The following CNTNAP4 variants were observed in gnomAD, a reference collection of about 807,000 sequenced individuals.
CNTNAP4 encodes the protein contactin associated protein family member 4.
A neutral mutation model predicts 148.4 loss-of-function variants in CNTNAP4; 98 were observed. The ratio of observed to expected loss-of-function variants is 0.66; its 90% CI spans 0.56 to 0.78. CNTNAP4 has a LOEUF of 0.78. Among genes scored for constraint, CNTNAP4 ranks in the 30% least tolerant of loss-of-function variants. The pLI is 0.00. For missense variants in CNTNAP4, 1,935 were observed against 1,565.6 expected (o/e 1.24, Z -3.98); for synonymous variants, 730 against 565.1 (o/e 1.29, Z -4.14).
chr16:76,487,820 G>C (rs912560372), intron 12 of CNTNAP4, among the ~76,000 whole-genome samples: 1 of 152,142 alleles, frequency 6.6e-6, no homozygotes, highest in Admixed American at 6.5e-5. Flanking sequence ...TTTAATGGTT[G>C]CCATGCACTA....
In CNTNAP4 at chr16:76,470,482, A is replaced by ATATATATATATATATATATATATAT. The variant is rs146482811; in HGVS notation, c.1655+2959_1655+2960insTATATATATATATATATATATATAT. On this transcript the variant is annotated intron_variant, in intron 10 of 23. Coordinates refer to ENST00000611870, the MANE Select transcript of CNTNAP4 (RefSeq NM_033401.5). ...ATAGCAAAACCACGTCTCTACTAAT[A>ATATATATATATATATATATATATAT]ATATATATATATATAAAATTAGTCG... Among the ~76,000 whole-genome samples the ATATATATATATATATATATATATAT allele has an allele frequency of 1.4e-3, 138 of 96,976 alleles. 4 individuals are homozygous for ATATATATATATATATATATATATAT. The highest frequency in any genetic ancestry group is 8.9e-3 in the South Asian group (21 of 2,352). 63.6% of individuals were successfully genotyped at this position (96,976 alleles called of 152,430 possible).
chr16:76,341,203 A>G (rs1240256963), intron 2 of CNTNAP4, among the ~76,000 whole-genome samples: 1 of 152,118 alleles, frequency 6.6e-6, no homozygotes, highest in Non-Finnish European at 1.5e-5. Flanking sequence ...TTTCATTGAG[A>G]GTCTTTACCT....
In CNTNAP4 at chr16:76,347,445, T is replaced by C. The variant is rs1451705236; in HGVS notation, c.197-7873T>C. On this transcript the variant is annotated intron_variant, in intron 2 of 23. Coordinates refer to ENST00000611870, the MANE Select transcript of CNTNAP4 (RefSeq NM_033401.5). ...AAGACCCCTGGTCTCATAGAGCTTGTATTCTAATAAATATAATACATAAAC... is the reference window on the plus strand; with the variant it reads ...AAGACCCCTGGTCTCATAGAGCTTGCATTCTAATAAATATAATACATAAAC... Among the ~76,000 whole-genome samples, 3 of 152,304 alleles carry C rather than the reference T, an allele frequency of 2.0e-5. No homozygotes were observed. The East Asian group carries it at 5.8e-4, about 29-fold the overall frequency.
chr16:76,342,496 G>A (rs139115384), intron 2 of CNTNAP4, among the ~76,000 whole-genome samples: 18,439 of 111,186 alleles, frequency 0.17, 2,077 homozygotes, highest in East Asian at 0.56. Context: ...TTTTTGAGAT[G>A]GAGTCTTGCT....
At chr16:76,499,122 C>T in intron 15 of CNTNAP4, among the ~76,000 whole-genome samples, 1 of 145,138 alleles carries the variant, frequency 6.9e-6, no homozygotes. Flanking sequence ...GGCTGGAGTG[C>T]AGTGGCGCGA....
At chr16:76,316,856 C>T (rs1476627028) in intron 2 of CNTNAP4, among the ~76,000 whole-genome samples, 5 of 152,116 alleles carry the variant, frequency 3.3e-5, no homozygotes, top group Admixed American at 1.3e-4. Context: ...AAGTAATTTT[C>T]AAAAACGCTA....
intron 3 of CNTNAP4, among the ~76,000 whole-genome samples, chr16:76,420,279 A>ATATTAGAATAAAGTATATTCTGTAG (rs1324649016): frequency 6.7e-6 from 1 of 150,214 alleles, no homozygotes; most frequent in Non-Finnish European, 1.5e-5. Context: ...TATAGGAGAT[A>ATATTAGAATAAAGTATATTCTGTAG]AATATTAATT....
At chr16:76,298,374 G>A (rs1226649684) in intron 1 of CNTNAP4, among the ~76,000 whole-genome samples, 2 of 152,150 alleles carry the variant, frequency 1.3e-5, no homozygotes, top group African/African-American at 4.8e-5. Flanking sequence ...TTGATTGGGT[G>A]GGAGAAAGTA....
At chr16:76,555,453 A>C (rs2085156471) in intron 23 of CNTNAP4, among the ~76,000 whole-genome samples, 1 of 152,264 alleles carries the variant, frequency 6.6e-6, no homozygotes, top group Non-Finnish European at 1.5e-5. Flanking sequence ...TTAAAGCTAT[A>C]GTATTTACAA....
At chr16:76,384,293 C>T (rs536437320) in intron 3 of CNTNAP4, among the ~76,000 whole-genome samples, 27 of 152,164 alleles carry the variant, frequency 1.8e-4, no homozygotes, top group East Asian at 5.8e-4. Context: ...CCACCCACCT[C>T]GGCCTCCCAA....
chr16:76,370,573 C>A lies in CNTNAP4; in HGVS notation c.390+15062C>A, dbSNP rs34952721. Among the ~76,000 whole-genome samples the A allele has an allele frequency of 1.5e-3, 223 of 152,072 alleles. 1 individual carries two copies. The highest frequency in any genetic ancestry group is 2.3e-3 in the Non-Finnish European group (158 of 67,978). On this transcript the variant is annotated intron_variant, in intron 3 of 23. Transcript: ENST00000611870. ...GCTGGAAGCTCCTTAATACAGGAGCCTGGGACACAGTCCACGTCACTCAGC... is the reference window on the plus strand; with the variant it reads ...GCTGGAAGCTCCTTAATACAGGAGCATGGGACACAGTCCACGTCACTCAGC...
At chr16:76,364,922 T>A (rs1031633369) in intron 3 of CNTNAP4, among the ~76,000 whole-genome samples, 1 of 152,216 alleles carries the variant, frequency 6.6e-6, no homozygotes, top group Non-Finnish European at 1.5e-5. Context: ...TCATTGCTTT[T>A]GGTGTTTTAG....
chr16:76,394,604 T>G (rs1002020882), intron 3 of CNTNAP4, among the ~76,000 whole-genome samples: 1 of 152,230 alleles, frequency 6.6e-6, no homozygotes, highest in African/African-American at 2.4e-5. Context: ...ATAACGTATT[T>G]AAGTGAGGTT....
intron 4 of CNTNAP4, among the ~76,000 whole-genome samples, chr16:76,434,677 A>G (rs932973041): frequency 6.6e-5 from 10 of 151,886 alleles, no homozygotes; most frequent in Admixed American, 3.9e-4. Flanking sequence ...TTCATTTACT[A>G]TTTTTCTTGG....
chr16:76,410,602 A>G (rs527577209), intron 3 of CNTNAP4, among the ~76,000 whole-genome samples: 2 of 151,900 alleles, frequency 1.3e-5, no homozygotes, highest in Admixed American at 1.3e-4. Flanking sequence ...CAAATGACAG[A>G]TGAGTTTGTC....
At chr16:76,278,140 C>G (rs1958552599) in intron 1 of CNTNAP4, among the ~76,000 whole-genome samples, 1 of 152,176 alleles carries the variant, frequency 6.6e-6, no homozygotes, top group South Asian at 2.1e-4. Flanking sequence ...AACTGGCAGA[C>G]TTTACATTAT....
chr16:76,278,322 G>A (rs1008855409), intron 1 of CNTNAP4, among the ~76,000 whole-genome samples: 1 of 152,190 alleles, frequency 6.6e-6, no homozygotes, highest in Non-Finnish European at 1.5e-5. Flanking sequence ...AAGAGAATGA[G>A]ACTTAGCGCT....
intron 8 of CNTNAP4, among the ~76,000 whole-genome samples, chr16:76,458,595 A>G (rs1308971426): frequency 6.6e-6 from 1 of 152,062 alleles, no homozygotes; most frequent in East Asian, 1.9e-4. Flanking sequence ...GCAGTTCACA[A>G]TAGGGTTCGA....
At chr16:76,361,220 G>T (rs757471890) in intron 3 of CNTNAP4, among the ~76,000 whole-genome samples, 1 of 152,118 alleles carries the variant, frequency 6.6e-6, no homozygotes, top group Non-Finnish European at 1.5e-5. Flanking sequence ...TATAAGCACA[G>T]TGTTGTAAGG....
Sources: allele counts gnomAD v4.1 joint callset (sites outside exome capture counted in the v4.1 genomes callset), GRCh38; gene constraint gnomAD v4.1.1; transcripts MANE v1.5; gene names NCBI Gene and HGNC (gene_info 2026-07-23, HGNC 2026-07-21).